MECOM: variants seen among roughly 807,000 people sequenced by gnomAD.
The protein encoded by MECOM is MDS1 and EVI1 complex locus.
MECOM carries 13 observed loss-of-function variants against 116.3 expected under a neutral mutation model. That is an observed-to-expected ratio of 0.11 (90% CI 0.07 to 0.18). The LOEUF is 0.18. Among genes scored for constraint, MECOM ranks in the 10% least tolerant of loss-of-function variants. The pLI is 1.00. For missense variants in MECOM, 1,299 were observed against 1,509.0 expected, an observed-to-expected ratio of 0.86 and a Z score of 2.31; for synonymous variants, 528 against 535.2, an observed-to-expected ratio of 0.99 and a Z score of 0.19.
At chr3:169,416,113 A>G (rs1223502764) in intron 1 of MECOM, among the ~76,000 whole-genome samples, 1 of 152,202 alleles carries the variant, frequency 6.6e-6, no homozygotes, top group Non-Finnish European at 1.5e-5. Context: ...AAAACCGACC[A>G]TATAATTGGA....
intron 1 of MECOM, among the ~76,000 whole-genome samples, chr3:169,559,652 A>C (rs1345470): frequency 0.76 from 115,791 of 152,108 alleles, 44,987 homozygotes; most frequent in African/African-American, 0.92. Flanking sequence ...CACATTATCT[A>C]AAATAGTCCT....
intron 1 of MECOM, among the ~76,000 whole-genome samples, chr3:169,560,154 G>C (rs183170531): frequency 1.2e-3 from 177 of 152,210 alleles, no homozygotes; most frequent in African/African-American, 4.1e-3. Flanking sequence ...TCCCTTATAA[G>C]TGTTTAAGAA....
intron 1 of MECOM, among the ~76,000 whole-genome samples, chr3:169,509,903 C>T (rs1351145353): frequency 6.6e-6 from 1 of 152,198 alleles, no homozygotes; most frequent in Non-Finnish European, 1.5e-5. Context: ...CAAAGGCAGC[C>T]GGTCAGCATC....
At chr3:169,562,833 G>A (rs1576893232) in intron 1 of MECOM, among the ~76,000 whole-genome samples, 3 of 152,092 alleles carry the variant, frequency 2.0e-5, no homozygotes, top group East Asian at 1.9e-4. Context: ...AGGCCAAGGC[G>A]GGTAGATCAC....
At chr3:169,148,912 A>G (rs910089371) in intron 2 of MECOM, among the ~76,000 whole-genome samples, 2 of 152,078 alleles carry the variant, frequency 1.3e-5, no homozygotes, top group African/African-American at 4.8e-5. Context: ...TGTTTGAGAG[A>G]AAATCGCACA....
At chr3:169,312,818 T>A (rs1428601347) in intron 2 of MECOM, among the ~76,000 whole-genome samples, 4 of 152,206 alleles carry the variant, frequency 2.6e-5, no homozygotes, top group African/African-American at 7.2e-5. Flanking sequence ...CATGTGGGGA[T>A]GTCAGCTGGT....
Position 169,122,572 on chromosome 3 carries a change from C to G in MECOM, c.978+8G>C. On this transcript the variant is annotated splice_region_variant and intron_variant, in intron 6 of 16. Transcript: ENST00000651503. Reference sequence around the variant, plus strand: ...AGAGAGGCCAAGTAGCCTACAAATTCACTGTACCTTGGCACAGTTTTCACA... The same window carrying G: ...AGAGAGGCCAAGTAGCCTACAAATTGACTGTACCTTGGCACAGTTTTCACA... The G allele has an allele frequency of 6.2e-7, 1 of 1,613,878 alleles. No individual in the cohort carries two copies. The highest frequency in any genetic ancestry group is 8.5e-7 in the Non-Finnish European group (1 of 1,179,810).
chr3:169,187,114 C>T (rs1346829532), intron 2 of MECOM, among the ~76,000 whole-genome samples: 2 of 152,128 alleles, frequency 1.3e-5, no homozygotes, highest in Non-Finnish European at 2.9e-5. Context: ...ATCCAGCACA[C>T]ATTATGATGC....
At position 169,180,108 on chromosome 3, in the gene MECOM, A is replaced by G. The variant is rs373458342; in HGVS notation, c.376-36276T>C. Among the ~76,000 whole-genome samples the G allele has an allele frequency of 3.9e-5, 6 of 152,360 alleles. No individual in the cohort carries two copies. The East Asian group carries it at 9.6e-4, about 24-fold the overall frequency. On this transcript the variant is annotated intron_variant, in intron 2 of 16. Coordinates refer to ENST00000651503, the MANE Select transcript of MECOM (RefSeq NM_004991.4). ...GTTTTTCCGTTGTCTGGCATTTACAATATAGTCACAAACTAAAAAGGCAAT... is the reference window on the plus strand; with the variant it reads ...GTTTTTCCGTTGTCTGGCATTTACAGTATAGTCACAAACTAAAAAGGCAAT...
At position 169,601,200 on chromosome 3, in the gene MECOM, C is replaced by G. The variant is rs530657674; in HGVS notation, c.37+62136G>C. ...CAAACCAACCTCATAGTTTTATAAGCCTTTTCCCTGTGCCAACTCCCAGCT... is the reference window on the plus strand; with the variant it reads ...CAAACCAACCTCATAGTTTTATAAGGCTTTTCCCTGTGCCAACTCCCAGCT... On this transcript the variant is annotated intron_variant, in intron 1 of 16. Coordinates refer to ENST00000651503, the MANE Select transcript of MECOM (RefSeq NM_004991.4). 3.9e-5 allele frequency among the ~76,000 whole-genome samples: 6 copies of G among 152,310 alleles called. No homozygotes were observed. In the East Asian group the frequency reaches 1.2e-3, roughly 29 times the overall value.
chr3:169,550,129 C>T (rs1211998833), intron 1 of MECOM, among the ~76,000 whole-genome samples: 1 of 152,110 alleles, frequency 6.6e-6, no homozygotes, highest in Non-Finnish European at 1.5e-5. Flanking sequence ...AGATAACTGT[C>T]ATTGAAGAGA....
chr3:169,328,468 G>A (rs1022675370), intron 2 of MECOM, among the ~76,000 whole-genome samples: 1 of 152,144 alleles, frequency 6.6e-6, no homozygotes, highest in Non-Finnish European at 1.5e-5. Context: ...GTTTAGTCTT[G>A]TCATCATATA....
chr3:169,651,441 A>G (rs1034178339), intron 1 of MECOM, among the ~76,000 whole-genome samples: 2 of 152,186 alleles, frequency 1.3e-5, no homozygotes, highest in Non-Finnish European at 2.9e-5. Context: ...TTTAGCATCT[A>G]TGTTCATCAG....
At chr3:169,562,692 G>A (rs1431681980) in intron 1 of MECOM, among the ~76,000 whole-genome samples, 4 of 152,146 alleles carry the variant, frequency 2.6e-5, no homozygotes, top group Admixed American at 2.0e-4. Flanking sequence ...AAGGAGCCAT[G>A]CTTGGAAGGA....
chr3:169,602,845 A>C (rs1248857737), intron 1 of MECOM, among the ~76,000 whole-genome samples: 2 of 152,200 alleles, frequency 1.3e-5, no homozygotes, highest in African/African-American at 2.4e-5. Flanking sequence ...ACTTACAAAA[A>C]AACTATGTTC....
intron 1 of MECOM, among the ~76,000 whole-genome samples, chr3:169,410,876 G>A (rs555405805): frequency 2.8e-4 from 42 of 152,108 alleles, no homozygotes; most frequent in African/African-American, 8.2e-4. Flanking sequence ...TATCTGCAGA[G>A]TTGTCCAACG....
At position 169,381,330 on chromosome 3, in the gene MECOM, C is replaced by A. The variant is rs1732348982; in HGVS notation, c.232G>T (p.Ala78Ser). 1.2e-6 allele frequency: 2 copies of A among 1,613,802 alleles called. No individual in the cohort carries two copies. Among genetic ancestry groups the A allele is most frequent in the Non-Finnish European group, 1.7e-6 (2 of 1,179,806 alleles). The change falls in exon 2 of 17, where the codon GCT (alanine) becomes TCT (serine). Residue 78 changes from alanine to serine, a missense_variant. Transcript: ENST00000651503. ...IYIPDDIPIPAEFELRESNMP... is the reference protein window; with the variant it reads ...IYIPDDIPIPSEFELRESNMP... ...TTTGACTCTCGAAGTTCAAACTCAG[C>A]AGGAATGGGGATATCATCAGGGATG...
intron 1 of MECOM, among the ~76,000 whole-genome samples, chr3:169,408,777 G>A (rs911181062): frequency 6.6e-6 from 1 of 152,038 alleles, no homozygotes; most frequent in African/African-American, 2.4e-5. Flanking sequence ...AGCAAGTAAC[G>A]TAAGCAGGCT....
chr3:169,353,923 T>C (rs1398763044), intron 2 of MECOM, among the ~76,000 whole-genome samples: 2 of 151,886 alleles, frequency 1.3e-5, no homozygotes, highest in Non-Finnish European at 2.9e-5. Flanking sequence ...ACACTTTTTT[T>C]CCTAATATAT....
Sources: allele counts gnomAD v4.1 joint callset (sites outside exome capture counted in the v4.1 genomes callset), GRCh38; gene constraint gnomAD v4.1.1; transcripts MANE v1.5; gene names NCBI Gene and HGNC (gene_info 2026-07-23, HGNC 2026-07-21).